The following FGF14 variants were observed in gnomAD, a reference collection of about 807,000 sequenced individuals.
FGF14 encodes fibroblast growth factor homologous factor 4.
FGF14 carries 5 observed loss-of-function variants against 25.5 expected under a neutral mutation model. That is an observed-to-expected ratio of 0.20 (90% CI 0.10 to 0.41). The LOEUF is 0.41. Ranked by LOEUF, FGF14 falls within the 10% of genes least tolerant of loss-of-function variation. The pLI is 1.00. For missense variants in FGF14, 222 were observed against 320.1 expected, an observed-to-expected ratio of 0.69 and a Z score of 2.34; for synonymous variants, 138 against 118.3, an observed-to-expected ratio of 1.17 and a Z score of -1.08.
intron 1 of FGF14, among the ~76,000 whole-genome samples, chr13:101,966,641 C>G (rs1252569838): frequency 6.6e-6 from 1 of 152,096 alleles, no homozygotes; most frequent in South Asian, 2.1e-4. Flanking sequence ...CACCACCACG[C>G]CCAGCTAATT....
chr13:101,989,472 T>TA, intron 1 of FGF14, among the ~76,000 whole-genome samples: 1 of 152,254 alleles, frequency 6.6e-6, no homozygotes, highest in Admixed American at 6.5e-5. Context: ...ACCTCATAAA[T>TA]ACTGTACTAT....
At chr13:101,863,114 G>A (rs1300865829) in intron 3 of FGF14, among the ~76,000 whole-genome samples, 1 of 152,064 alleles carries the variant, frequency 6.6e-6, no homozygotes, top group Non-Finnish European at 1.5e-5. Flanking sequence ...CATGCATAGT[G>A]TCATAGATTG....
rs2033561006 is a variant in FGF14 at position 101,916,820 on chromosome 13, C to T, written c.-175G>A. 6.6e-6 allele frequency among the ~76,000 whole-genome samples: 1 copy of T among 152,136 alleles called. No homozygotes were observed. Among genetic ancestry groups the T allele is most frequent in the Non-Finnish European group, 1.5e-5 (1 of 68,004 alleles). On this transcript the variant is annotated 5_prime_UTR_variant, in exon 1 of 5. Transcript: ENST00000376143. ...TCAGTCCTGACCGGGACCCATCGCC[C>T]TCTCCGCGGGGCGCGGGGCCAGGCG...
At chr13:101,962,536 G>C (rs1249186434) in intron 1 of FGF14, among the ~76,000 whole-genome samples, 1 of 151,940 alleles carries the variant, frequency 6.6e-6, no homozygotes, top group East Asian at 1.9e-4. Context: ...AGGCACTCAA[G>C]GGAATATCAG....
chr13:102,026,772 C>T (rs1370496442), intron 1 of FGF14, among the ~76,000 whole-genome samples: 1 of 151,846 alleles, frequency 6.6e-6, no homozygotes, highest in Non-Finnish European at 1.5e-5. Flanking sequence ...CCTTATTTTG[C>T]ATGTTTTTTC....
At chr13:102,289,923 C>T (rs2054296286) in intron 1 of FGF14, among the ~76,000 whole-genome samples, 1 of 152,100 alleles carries the variant, frequency 6.6e-6, no homozygotes, top group Admixed American at 6.5e-5. Flanking sequence ...GCCTTTCTCT[C>T]TCTCTTTCTT....
At chr13:102,016,712 C>A (rs2040366310) in intron 1 of FGF14, among the ~76,000 whole-genome samples, 1 of 152,122 alleles carries the variant, frequency 6.6e-6, no homozygotes, top group African/African-American at 2.4e-5. Context: ...CCTTGAACTC[C>A]TGGGCTCAAG....
intron 1 of FGF14, among the ~76,000 whole-genome samples, chr13:102,326,399 C>G (rs1382989687): frequency 6.6e-6 from 1 of 152,098 alleles, no homozygotes; most frequent in Non-Finnish European, 1.5e-5. Context: ...AAGAAGAATA[C>G]TGACCTCTTG....
chr13:101,748,313 T>G (rs2037028452), intron 3 of FGF14, among the ~76,000 whole-genome samples: 1 of 151,860 alleles, frequency 6.6e-6, no homozygotes, highest in South Asian at 2.1e-4. Context: ...AAAAAAAGAA[T>G]GAAATTATAT....
chr13:101,986,251 T>A (rs554136376), intron 1 of FGF14, among the ~76,000 whole-genome samples: 1 of 152,182 alleles, frequency 6.6e-6, no homozygotes, highest in South Asian at 2.1e-4. Flanking sequence ...AGCGCACAAG[T>A]TTTTCAATTT....
intron 1 of FGF14, among the ~76,000 whole-genome samples, chr13:102,382,794 C>T (rs989489638): frequency 6.6e-6 from 1 of 151,846 alleles, no homozygotes; most frequent in Admixed American, 6.6e-5. Context: ...AATAATGAAA[C>T]AAAATGAAAT....
Position 101,767,351 on chromosome 13 carries a change from C to G in FGF14, c.409-40541G>C, listed in dbSNP as rs143611851. 4.4e-3 allele frequency among the ~76,000 whole-genome samples: 672 copies of G among 152,128 alleles called. 5 individuals are homozygous for G. Among genetic ancestry groups the G allele is most frequent in the African/African-American group, 0.016 (652 of 41,484 alleles). On this transcript the variant is annotated intron_variant, in intron 3 of 4. Coordinates refer to ENST00000376143, the MANE Select transcript of FGF14 (RefSeq NM_004115.4). ...CTGATTTAATTGGTCTGGTGTGATA[C>G]GAGATCATTCTTTTTTTAAAAGCTC... is the stretch of plus-strand genomic sequence containing the variant.
At chr13:101,964,810 A>G (rs983830007) in intron 1 of FGF14, among the ~76,000 whole-genome samples, 8 of 151,458 alleles carry the variant, frequency 5.3e-5, no homozygotes, top group African/African-American at 1.9e-4. Context: ...TCTATCTTTT[A>G]TTCAGGATAC....
intron 1 of FGF14, among the ~76,000 whole-genome samples, chr13:102,342,327 G>A (rs1353072491): frequency 6.6e-6 from 1 of 152,044 alleles, no homozygotes; most frequent in Non-Finnish European, 1.5e-5. Context: ...AAAAGGGGAG[G>A]AAGGCATTTT....
intron 1 of FGF14, among the ~76,000 whole-genome samples, chr13:102,154,238 A>T (rs2047216167): frequency 6.6e-6 from 1 of 152,166 alleles, no homozygotes; most frequent in Admixed American, 6.5e-5. Flanking sequence ...GTTGAAATGA[A>T]GGAAAAAATG....
intron 1 of FGF14, among the ~76,000 whole-genome samples, chr13:102,021,278 T>C (rs1266842766): frequency 1.3e-5 from 2 of 152,092 alleles, no homozygotes; most frequent in African/African-American, 4.8e-5. Flanking sequence ...TATATTTCTA[T>C]GACAACATTC....
At chr13:102,306,611 A>T (rs1193861755) in intron 1 of FGF14, among the ~76,000 whole-genome samples, 2 of 152,158 alleles carry the variant, frequency 1.3e-5, no homozygotes, top group Non-Finnish European at 2.9e-5. Flanking sequence ...AGCTTCTGCA[A>T]AGTAAGACTG....
intron 3 of FGF14, among the ~76,000 whole-genome samples, chr13:101,734,002 A>G (rs2036000096): frequency 6.6e-6 from 1 of 151,962 alleles, no homozygotes; most frequent in Non-Finnish European, 1.5e-5. Context: ...TAATTTTTAA[A>G]TATACATAAG....
At chr13:102,129,221 G>A (rs2046080072) in intron 1 of FGF14, among the ~76,000 whole-genome samples, 1 of 152,034 alleles carries the variant, frequency 6.6e-6, no homozygotes, top group Non-Finnish European at 1.5e-5. Flanking sequence ...CTGCACTCCA[G>A]CCTGAGTGAC....
Sources: allele counts gnomAD v4.1 joint callset (sites outside exome capture counted in the v4.1 genomes callset), GRCh38; gene constraint gnomAD v4.1.1; transcripts MANE v1.5; gene names NCBI Gene and HGNC (gene_info 2026-07-23, HGNC 2026-07-21).